PCDHGB3: variants seen among roughly 807,000 people sequenced by gnomAD.
PCDHGB3 encodes the protein protocadherin gamma subfamily B, 3.
In PCDHGB3, 40 loss-of-function variants were observed where a neutral mutation model predicts 59.2. The ratio of observed to expected loss-of-function variants is 0.68; its 90% CI spans 0.52 to 0.88. The LOEUF is 0.88. Ranked by LOEUF, PCDHGB3 falls within the 40% of genes least tolerant of loss-of-function variation. PCDHGB3 has a pLI of 0.00. For synonymous variants in PCDHGB3, 581 were observed against 503.6 expected (o/e 1.15, Z -2.06); for missense variants, 1,309 against 1,187.9 (o/e 1.10, Z -1.50).
In PCDHGB3 at chr5:141,375,919, C is replaced by A. The variant is rs746123042; in HGVS notation, c.2415+3110C>A. Reference sequence around the variant, plus strand: ...TGTCCTACCGCCTGCTCAAGGCCAGCGAGCCAGGACTTTTCTCAGTGGGCC... The same window carrying A: ...TGTCCTACCGCCTGCTCAAGGCCAGAGAGCCAGGACTTTTCTCAGTGGGCC... On this transcript the variant is annotated intron_variant, in intron 1 of 3. Coordinates refer to ENST00000576222, the MANE Select transcript of PCDHGB3 (RefSeq NM_018924.5). 2.5e-5 allele frequency: 40 copies of A among 1,613,612 alleles called. No homozygotes were observed. In the Middle Eastern group the frequency reaches 8.4e-4, roughly 34 times the overall value.
At chr5:141,417,693 A>T in intron 1 of PCDHGB3, 1 of 1,091,256 alleles carries the variant, frequency 9.2e-7, no homozygotes, top group Non-Finnish European at 1.3e-6. Context: ...AAAGAAAACC[A>T]GCTCCCACAC....
At chr5:141,383,501 A>G in intron 1 of PCDHGB3, 1 of 1,612,940 alleles carries the variant, frequency 6.2e-7, no homozygotes. Context: ...CGGGTGCTGG[A>G]CCGGGAGGAA....
At chr5:141,423,177 C>T (rs748689237) in intron 1 of PCDHGB3, 3 of 1,613,430 alleles carry the variant, frequency 1.9e-6, no homozygotes, top group Non-Finnish European at 2.5e-6. Context: ...TCCAGGACCA[C>T]GGCCAGCCCC....
intron 1 of PCDHGB3, chr5:141,375,201 A>T (rs1173523858): frequency 6.2e-7 from 1 of 1,614,004 alleles, no homozygotes; most frequent in Non-Finnish European, 8.5e-7. Flanking sequence ...CAAGTGTTCG[A>T]TCGAGACTCT....
intron 1 of PCDHGB3, among the ~76,000 whole-genome samples, chr5:141,456,691 G>A (rs564429451): frequency 3.3e-5 from 5 of 152,234 alleles, no homozygotes; most frequent in South Asian, 4.1e-4. Flanking sequence ...CTGGCCAGGC[G>A]TGGTGGCTCG....
At chr5:141,461,740 G>T (rs770518286) in intron 1 of PCDHGB3, among the ~76,000 whole-genome samples, 1 of 152,072 alleles carries the variant, frequency 6.6e-6, no homozygotes, top group African/African-American at 2.4e-5. Context: ...GCACAATCCC[G>T]GCTCCCAGAT....
intron 1 of PCDHGB3, chr5:141,374,322 G>A: frequency 6.2e-7 from 1 of 1,613,980 alleles, no homozygotes; most frequent in Middle Eastern, 1.7e-4. Context: ...CTGAATCCGC[G>A]AAACGGCAGC....
At chr5:141,374,990 A>G in intron 1 of PCDHGB3, 3 of 1,614,046 alleles carry the variant, frequency 1.9e-6, no homozygotes, top group Non-Finnish European at 2.5e-6. Context: ...AGAAATTTCA[A>G]CTTCTGCAAA....
chr5:141,454,351 C>T (rs1406631649), intron 1 of PCDHGB3, among the ~76,000 whole-genome samples: 2 of 152,152 alleles, frequency 1.3e-5, no homozygotes, highest in Non-Finnish European at 2.9e-5. Flanking sequence ...GAAGTTGATC[C>T]AAACTTAGAA....
intron 1 of PCDHGB3, among the ~76,000 whole-genome samples, chr5:141,465,904 C>T (rs1364574558): frequency 2.0e-5 from 3 of 152,046 alleles, no homozygotes; most frequent in Admixed American, 6.5e-5. Context: ...GGGCAAATCA[C>T]GAGGTCAGGA....
At chr5:141,388,460 T>G in intron 1 of PCDHGB3, 1 of 1,613,854 alleles carries the variant, frequency 6.2e-7, no homozygotes. Flanking sequence ...GTAAATACCC[T>G]GAGATGGTAT....
chr5:141,435,296 T>A (rs545583818), intron 1 of PCDHGB3, among the ~76,000 whole-genome samples: 44 of 152,328 alleles, frequency 2.9e-4, no homozygotes, highest in African/African-American at 9.9e-4. Context: ...AGTCATTTCA[T>A]GGTTTTAAAT....
At position 141,371,126 on chromosome 5, in the gene PCDHGB3, G is replaced by A. The variant is rs771503088; in HGVS notation, c.732G>A (p.Gln244=). The stretch of plus-strand genomic sequence containing the variant: ...ATGATAACCCCCCAGTATTTACTCA[G>A]GACATGTACAGGGTCAATGTTGCAG... ...DANDNPPVFT[Q]DMYRVNVAEN... is the part of the protein sequence containing the mutation. The change falls in exon 1 of 4, where the codon CAG becomes CAA. Residue 244 remains glutamine (Q), a synonymous_variant. Transcript: ENST00000576222. The A allele has an allele frequency of 1.2e-6, 2 of 1,613,996 alleles. No individual in the cohort carries two copies. The highest frequency in any genetic ancestry group is 2.2e-5 in the South Asian group (2 of 91,086).
chr5:141,400,363 T>C (rs1271706599), intron 1 of PCDHGB3: 1 of 1,613,958 alleles, frequency 6.2e-7, no homozygotes, highest in Non-Finnish European at 8.5e-7. Flanking sequence ...GACTTTGCCT[T>C]ATTCCTACAA....
At position 141,511,248 on chromosome 5, in the gene PCDHGB3, C is replaced by T; in HGVS notation, c.*75C>T. ...AGCTTCTCCTTACCTGCACCCAGGC[C>T]TCAGAGTTTCAGGGCTAACCCCCAG... On this transcript the variant is annotated 3_prime_UTR_variant, in exon 4 of 4. Transcript: ENST00000576222. 6.4e-7 allele frequency: 1 copy of T among 1,574,736 alleles called. No homozygotes were observed. The highest frequency in any genetic ancestry group is 8.6e-7 in the Non-Finnish European group (1 of 1,160,336).
At chr5:141,375,059 G>T in intron 1 of PCDHGB3, 3 of 1,614,038 alleles carry the variant, frequency 1.9e-6, no homozygotes, top group Non-Finnish European at 1.7e-6. Flanking sequence ...GGATGGGCCA[G>T]GTCTTCGAGA....
At chr5:141,503,229 T>C (rs986982708) in intron 2 of PCDHGB3, among the ~76,000 whole-genome samples, 1 of 152,080 alleles carries the variant, frequency 6.6e-6, no homozygotes, top group African/African-American at 2.4e-5. Context: ...ACCGTAAAGA[T>C]GGACAGTTTC....
rs375478611 is a variant in PCDHGB3 at position 141,371,890 on chromosome 5, G to A, written c.1496G>A (p.Arg499Gln). ...YYIVASDLEP[R>Q]ELSSYVSVSA... ...ATCGTGGCCAGTGACCTGGAGCCGC[G>A]GGAGCTGTCGTCCTACGTGTCCGTG... The change falls in exon 1 of 4, where the codon CGG (arginine) becomes CAG (glutamine). Residue 499 changes from arginine to glutamine, a missense_variant. Coordinates refer to ENST00000576222, the MANE Select transcript of PCDHGB3 (RefSeq NM_018924.5). 7.4e-5 allele frequency: 119 copies of A among 1,613,312 alleles called. No homozygotes were observed. The highest frequency in any genetic ancestry group is 9.7e-5 in the Non-Finnish European group (114 of 1,179,910).
chr5:141,370,557 G>C lies in PCDHGB3; in HGVS notation c.163G>C (p.Gly55Arg). 1.9e-6 allele frequency: 3 copies of C among 1,613,966 alleles called. No homozygotes were observed. Among genetic ancestry groups the C allele is most frequent in the Non-Finnish European group, 2.5e-6 (3 of 1,179,890 alleles). The change falls in exon 1 of 4, where the codon GGG becomes CGG. Residue 55 changes from glycine to arginine, a missense_variant. By Grantham distance (125) the Gly-to-Arg change is moderately radical. Transcript: ENST00000576222. The stretch of plus-strand genomic sequence containing the variant: ...GGTAGGGAACCTCGCCAAGGACCTG[G>C]GGTTTGGCGTGGGGGATTTACCTAC... ...SLVGNLAKDLGFGVGDLPTRN... is the reference protein window; with the variant it reads ...SLVGNLAKDLRFGVGDLPTRN...
Sources: allele counts gnomAD v4.1 joint callset (sites outside exome capture counted in the v4.1 genomes callset), GRCh38; gene constraint gnomAD v4.1.1; transcripts MANE v1.5; gene names NCBI Gene and HGNC (gene_info 2026-07-23, HGNC 2026-07-21).